ACAD11: variants seen among roughly 807,000 people sequenced by gnomAD.
ACAD11 encodes the protein acyl-CoA dehydrogenase family member 11.
A neutral mutation model predicts 102.2 loss-of-function variants in ACAD11; 83 were observed. The observed-to-expected ratio is 0.81, with a 90% CI of 0.68 to 0.97. ACAD11 has a LOEUF of 0.97. Among genes scored for constraint, ACAD11 ranks in the 50% least tolerant of loss-of-function variants. The pLI is 0.00. For missense variants in ACAD11, 901 were observed against 951.7 expected (o/e 0.95, Z 0.70); for synonymous variants, 324 against 319.8 (o/e 1.01, Z -0.14).
At chr3:132,655,614 C>T (rs1258104921) in intron 1 of ACAD11, among the ~76,000 whole-genome samples, 7 of 152,150 alleles carry the variant, frequency 4.6e-5, no homozygotes, top group Admixed American at 3.9e-4. Flanking sequence ...GCCGTGTGCT[C>T]GAGGAAATCT....
intron 11 of ACAD11, among the ~76,000 whole-genome samples, chr3:132,608,899 C>G (rs1452014079): frequency 1.3e-5 from 2 of 152,076 alleles, no homozygotes; most frequent in Non-Finnish European, 2.9e-5. Flanking sequence ...ATGTAAAACA[C>G]TCCTCAGAAA....
chr3:132,654,854 G>A (rs556793763), intron 1 of ACAD11, among the ~76,000 whole-genome samples: 169 of 152,296 alleles, frequency 1.1e-3, no homozygotes, highest in Middle Eastern at 3.4e-3. Context: ...GCACTGATTC[G>A]TTGTGAAACT....
intron 11 of ACAD11, among the ~76,000 whole-genome samples, chr3:132,610,806 T>G (rs193136629): frequency 6.6e-6 from 1 of 152,204 alleles, no homozygotes; most frequent in African/African-American, 2.4e-5. Flanking sequence ...AAGAAGGAGC[T>G]GGTACCATTC....
chr3:132,584,076 C>T lies in ACAD11; in HGVS notation c.1622-4518G>A, dbSNP rs950137641. Among the ~76,000 whole-genome samples, 9 of 152,052 alleles carry T rather than the reference C, an allele frequency of 5.9e-5. No individual in the cohort carries two copies. The South Asian group carries it at 6.2e-4, about 11-fold the overall frequency. On this transcript the variant is annotated intron_variant, in intron 13 of 19. Transcript: ENST00000264990. The stretch of plus-strand genomic sequence containing the variant: ...GAGTTCTGTAGATGTCTACTAGGTC[C>T]GCTTGGTGCAGAACTGAGTTCAATT...
At chr3:132,582,415 T>C (rs1576558454) in intron 13 of ACAD11, among the ~76,000 whole-genome samples, 1 of 152,034 alleles carries the variant, frequency 6.6e-6, no homozygotes, top group East Asian at 1.9e-4. Flanking sequence ...TCAGATATTT[T>C]TTCCTTTGTT....
intron 13 of ACAD11, among the ~76,000 whole-genome samples, chr3:132,582,669 A>T (rs115261770): frequency 2.1e-4 from 32 of 152,118 alleles, no homozygotes; most frequent in African/African-American, 6.5e-4. Context: ...CTCTGACAAA[A>T]TGCTAAAACT....
chr3:132,566,368 T>A (rs1937213591), intron 17 of ACAD11, among the ~76,000 whole-genome samples: 1 of 146,394 alleles, frequency 6.8e-6, no homozygotes, highest in African/African-American at 2.5e-5. Flanking sequence ...ACCATTCACA[T>A]CACCAGATTC....
intron 13 of ACAD11, chr3:132,602,175 C>T (rs1024181652): frequency 1.5e-4 from 25 of 165,392 alleles, no homozygotes; most frequent in African/African-American, 5.8e-4. Context: ...TAAAATCCAC[C>T]TCCTCCAAAA....
intron 13 of ACAD11, among the ~76,000 whole-genome samples, chr3:132,588,465 T>C (rs1051443898): frequency 6.6e-6 from 1 of 152,222 alleles, no homozygotes; most frequent in African/African-American, 2.4e-5. Context: ...GTTTGAGAAA[T>C]GCAATGCTCA....
At chr3:132,610,592 C>T (rs1212967151) in intron 11 of ACAD11, among the ~76,000 whole-genome samples, 8 of 152,152 alleles carry the variant, frequency 5.3e-5, no homozygotes, top group Non-Finnish European at 1.5e-5. Context: ...ATACTATGAA[C>T]ACCTCTATGC....
intron 17 of ACAD11, among the ~76,000 whole-genome samples, chr3:132,572,911 C>T (rs1178978093): frequency 1.3e-5 from 2 of 152,074 alleles, no homozygotes; most frequent in Non-Finnish European, 2.9e-5. Context: ...CTTTTATTTT[C>T]CTTTCTTTTC....
In ACAD11 at chr3:132,639,573, C is replaced by G; in HGVS notation, c.621G>C (p.Lys207Asn). The G allele has an allele frequency of 6.2e-7, 1 of 1,613,964 alleles. No individual in the cohort carries two copies. Among genetic ancestry groups the G allele is most frequent in the Non-Finnish European group, 8.5e-7 (1 of 1,179,934 alleles). The change falls in exon 5 of 20, where the codon AAG becomes AAC. Residue 207 changes from lysine (K) to asparagine (N), a missense_variant. Physicochemically the swap from Lys to Asn is moderately conservative, Grantham distance 94. Coordinates refer to ENST00000264990, the MANE Select transcript of ACAD11 (RefSeq NM_032169.5). ...AMQQLSEWLM[K>N]NLPDNDNEEN... ...CTTCATTGTCATTATCGGGCAAGTT[C>G]TTCATTAGCCACTCCGATAGCTGTT...
At chr3:132,575,621 G>A (rs941460574) in intron 17 of ACAD11, 151 bp downstream of exon 17, 23 of 939,960 alleles carry the variant, frequency 2.4e-5, no homozygotes, top group African/African-American at 6.7e-5. Flanking sequence ...CCTCTCATTA[G>A]ACTATATTTA....
chr3:132,640,660 C>T (rs1252742787), intron 4 of ACAD11, among the ~76,000 whole-genome samples: 1 of 152,058 alleles, frequency 6.6e-6, no homozygotes, highest in Non-Finnish European at 1.5e-5. Context: ...ATATCTAAGC[C>T]ACTTACTTGT....
At chr3:132,562,696 A>G (rs1163378365) in intron 17 of ACAD11, among the ~76,000 whole-genome samples, 1 of 152,172 alleles carries the variant, frequency 6.6e-6, no homozygotes, top group Non-Finnish European at 1.5e-5. Flanking sequence ...GATCCCCTTC[A>G]ATGTACTGAT....
chr3:132,583,006 A>C (rs1937631787), intron 13 of ACAD11, among the ~76,000 whole-genome samples: 1 of 152,180 alleles, frequency 6.6e-6, no homozygotes, highest in African/African-American at 2.4e-5. Context: ...TTGGTCTAAA[A>C]TTCTGTTTTT....
chr3:132,656,230 C>A (rs1341062002), intron 1 of ACAD11, among the ~76,000 whole-genome samples: 1 of 152,188 alleles, frequency 6.6e-6, no homozygotes, highest in Non-Finnish European at 1.5e-5. Flanking sequence ...CATTCTGTAT[C>A]TATAGACATT....
At chr3:132,593,616 AC>A (rs988451208) in intron 13 of ACAD11, among the ~76,000 whole-genome samples, 3 of 152,228 alleles carry the variant, frequency 2.0e-5, no homozygotes, top group Non-Finnish European at 4.4e-5. Context: ...CCTATGGAAT[AC>A]AATTTGGCAA....
intron 9 of ACAD11, among the ~76,000 whole-genome samples, chr3:132,622,815 T>TA (rs1187124519): frequency 6.6e-6 from 1 of 152,210 alleles, no homozygotes; most frequent in Non-Finnish European, 1.5e-5. Context: ...ATTTTGAGTA[T>TA]GTTGGTTGGT....
Sources: gnomAD v4.1 joint callset for allele counts (sites outside exome capture counted in the v4.1 genomes callset) on GRCh38, gnomAD v4.1.1 for gene constraint, MANE v1.5 for transcripts, NCBI Gene and HGNC (gene_info 2026-07-23, HGNC 2026-07-21) for gene names.